The following NFIX variants were observed in gnomAD, a reference collection of about 807,000 sequenced individuals.
The protein encoded by NFIX is nuclear factor I X, also known as nuclear factor 1 X-type.
Under a neutral mutation model 53.3 loss-of-function variants are expected in NFIX, and 2 were observed. The ratio of observed to expected loss-of-function variants is 0.04; its 90% CI spans 0.02 to 0.12. The LOEUF is 0.12. NFIX is among the 10% of genes least tolerant of loss of function. The pLI is 1.00. For synonymous variants in NFIX, 244 were observed against 289.0 expected, an observed-to-expected ratio of 0.84 and a Z score of 1.58; for missense variants, 310 against 674.5, an observed-to-expected ratio of 0.46 and a Z score of 5.99.
At chr19:13,010,197 G>C (rs1432863535) in intron 1 of NFIX, among the ~76,000 whole-genome samples, 2 of 152,188 alleles carry the variant, frequency 1.3e-5, no homozygotes, top group Non-Finnish European at 2.9e-5. Context: ...GGCCTGCCGG[G>C]CGGGCGGCCG....
chr19:13,086,643 G>A (rs551408951), intron 8 of NFIX, among the ~76,000 whole-genome samples: 4 of 152,330 alleles, frequency 2.6e-5, no homozygotes, highest in African/African-American at 7.2e-5. Context: ...ACAACTGAAA[G>A]TGTCTCCAGA....
At chr19:13,046,347 C>T (rs1285747675) in intron 2 of NFIX, among the ~76,000 whole-genome samples, 3 of 152,108 alleles carry the variant, frequency 2.0e-5, no homozygotes, top group Non-Finnish European at 2.9e-5. Context: ...GCTTCTGATG[C>T]CCTCCCAGCC....
At chr19:13,004,109 TA>T (rs949053965) in intron 1 of NFIX, among the ~76,000 whole-genome samples, 9 of 151,946 alleles carry the variant, frequency 5.9e-5, no homozygotes, top group African/African-American at 2.2e-4. Context: ...GAGGGGGTGC[TA>T]TTTAGTGAGT....
chr19:12,999,094 G>A (rs4926176), intron 1 of NFIX, among the ~76,000 whole-genome samples: 51,270 of 151,976 alleles, frequency 0.34, 9,776 homozygotes, highest in East Asian at 0.65. Context: ...ACGGACAGGC[G>A]GATGGATGGA....
rs1002788491 is a variant in NFIX at position 13,094,992 on chromosome 19, T to C, written c.*343T>C. ...TCCCCCTGACCCCGCCCCGGCCTTC[T>C]GGGGAAGGAACAAAGTCCCCAAACA... On this transcript the variant is annotated 3_prime_UTR_variant, in exon 11 of 11. Coordinates refer to ENST00000592199, the MANE Select transcript of NFIX (RefSeq NM_001365902.3). The surrounding 1 kb of genome is among the most constrained non-coding windows in gnomAD (Gnocchi z 4.3). 35 of 286,392 alleles carry C rather than the reference T, an allele frequency of 1.2e-4. No individual in the cohort carries two copies. The Admixed American group carries it at 1.7e-3, about 14-fold the overall frequency. The allele number at this position is 286,392 out of a possible 1,614,324, so 17.7% of individuals were successfully genotyped here.
chr19:13,073,853 C>G lies in NFIX; in HGVS notation c.698-53C>G. ...AGCTGTTCATGACAAAGAAACAGAC[C>G]CCATCAGGCCTCCCCCCACCTCCAA... is the stretch of plus-strand genomic sequence containing the variant. On this transcript the variant is annotated intron_variant, in intron 4 of 10. Transcript: ENST00000592199. This position sits in a 1 kb window ranked among gnomAD's most constrained non-coding sequence, Gnocchi z 4.5. 7.4e-6 allele frequency: 12 copies of G among 1,612,114 alleles called. No individual in the cohort carries two copies. Among genetic ancestry groups the G allele is most frequent in the Non-Finnish European group, 1.0e-5 (12 of 1,178,762 alleles).
chr19:13,075,774 G>A lies in NFIX; in HGVS notation c.955+103G>A, dbSNP rs576249461. ...GCCTCCCACCAGTTGTCCCCCTGTC[G>A]GGGGGCATTACCCATCTGTTTTCTT... On this transcript the variant is annotated intron_variant, in intron 6 of 10. Coordinates refer to ENST00000592199, the MANE Select transcript of NFIX (RefSeq NM_001365902.3). 3.8e-5 allele frequency: 51 copies of A among 1,358,986 alleles called. No homozygotes were observed. The African/African-American group carries it at 5.0e-4, about 13-fold the overall frequency. 84.2% of individuals were successfully genotyped at this position (1,358,986 alleles called of 1,614,324 possible).
At chr19:13,048,527 T>G (rs1335702488) in intron 2 of NFIX, among the ~76,000 whole-genome samples, 1 of 152,122 alleles carries the variant, frequency 6.6e-6, no homozygotes, top group African/African-American at 2.4e-5. Context: ...GGATTTGTCT[T>G]TTATTAAGAT....
rs543343157 is a variant in NFIX at position 13,005,242 on chromosome 19, T to C, written c.27+9378T>C. On this transcript the variant is annotated intron_variant, in intron 1 of 10. Coordinates refer to ENST00000592199, the MANE Select transcript of NFIX (RefSeq NM_001365902.3). This position sits in a 1 kb window ranked among gnomAD's most constrained non-coding sequence, Gnocchi z 4.7. ...CGGTCAGCAGAATGGTAGAAGAAGA[T>C]AGGATAATAGCAAAATAAATGTTTG... Among the ~76,000 whole-genome samples the C allele has an allele frequency of 2.6e-5, 4 of 152,348 alleles. No individual in the cohort carries two copies. The South Asian group carries it at 8.3e-4, about 32-fold the overall frequency.
chr19:13,016,967 A>C (rs2145168801), intron 1 of NFIX, among the ~76,000 whole-genome samples: 1 of 151,554 alleles, frequency 6.6e-6, no homozygotes. Context: ...TCCTCCACCC[A>C]CAGCAAACTG....
chr19:13,022,928 G>C lies in NFIX; in HGVS notation c.28-2093G>C, dbSNP rs1215062612. ...CTTGTTCATTAGACGTGAACTTGTCGATTGGGCAAATTGTTTTTGGTCTCC... is the reference window on the plus strand; with the variant it reads ...CTTGTTCATTAGACGTGAACTTGTCCATTGGGCAAATTGTTTTTGGTCTCC... On this transcript the variant is annotated intron_variant, in intron 1 of 10. Transcript: ENST00000592199. This position sits in a 1 kb window ranked among gnomAD's most constrained non-coding sequence, Gnocchi z 4.5. Among the ~76,000 whole-genome samples, 1 of 152,042 alleles carries C rather than the reference G, an allele frequency of 6.6e-6. No homozygotes were observed. The highest frequency in any genetic ancestry group is 1.9e-4 in the East Asian group (1 of 5,162).
chr19:13,031,792 G>A (rs2013829701), intron 2 of NFIX, among the ~76,000 whole-genome samples: 1 of 152,160 alleles, frequency 6.6e-6, no homozygotes. Flanking sequence ...ACAGAGACCT[G>A]GGATGCCAGA....
chr19:13,024,963 C>T lies in NFIX; in HGVS notation c.28-58C>T, dbSNP rs572995543. ...CTCCTTCTCTCTTTCCCCCTCATCC[C>T]GTCTTCCCCTCCTCCCGTCCTCCCT... On this transcript the variant is annotated intron_variant, in intron 1 of 10. Transcript: ENST00000592199. 25 of 1,549,044 alleles carry T rather than the reference C, an allele frequency of 1.6e-5. No homozygotes were observed. The African/African-American group carries it at 3.0e-4, about 19-fold the overall frequency.
In NFIX at chr19:13,001,416, C is replaced by T. The variant is rs143983869; in HGVS notation, c.27+5552C>T. Among the ~76,000 whole-genome samples the T allele has an allele frequency of 7.2e-5, 11 of 152,082 alleles. No individual in the cohort carries two copies. The highest frequency in any genetic ancestry group is 1.5e-4 in the Non-Finnish European group (10 of 67,988). ...GTAGTGGGGGTCGGGGAGCGTGCCA[C>T]CATGCGTGTCAGTGTGCCGGATGTA... On this transcript the variant is annotated intron_variant, in intron 1 of 10. Transcript: ENST00000592199. This position sits in a 1 kb window ranked among gnomAD's most constrained non-coding sequence, Gnocchi z 6.5.
At chr19:13,079,998 A>G (rs1199839958) in intron 7 of NFIX, among the ~76,000 whole-genome samples, 1 of 152,220 alleles carries the variant, frequency 6.6e-6, no homozygotes, top group Non-Finnish European at 1.5e-5. Context: ...CATATGTCAG[A>G]CGGCCATCCT....
In NFIX at chr19:13,001,658, G is replaced by C. The variant is rs570023183; in HGVS notation, c.27+5794G>C. On this transcript the variant is annotated intron_variant, in intron 1 of 10. Coordinates refer to ENST00000592199, the MANE Select transcript of NFIX (RefSeq NM_001365902.3). This position sits in a 1 kb window ranked among gnomAD's most constrained non-coding sequence, Gnocchi z 6.5. ...TCCGTGTCAACTTGTGTCCACATAC[G>C]TGTCAACGCACGTGTCTCCAGTGTC... 2.6e-5 allele frequency among the ~76,000 whole-genome samples: 4 copies of C among 152,106 alleles called. No homozygotes were observed. The highest frequency in any genetic ancestry group is 4.4e-5 in the Non-Finnish European group (3 of 68,010).
chr19:13,023,332 C>G (rs1476260980), intron 1 of NFIX, among the ~76,000 whole-genome samples: 1 of 151,836 alleles, frequency 6.6e-6, no homozygotes, highest in African/African-American at 2.4e-5. Context: ...TTCCTTTCCT[C>G]CCTCCCTCGC....
Position 13,090,411 on chromosome 19 carries a change from C to A in NFIX, c.1494+21C>A. On this transcript the variant is annotated intron_variant, in intron 10 of 10. Coordinates refer to ENST00000592199, the MANE Select transcript of NFIX (RefSeq NM_001365902.3). The surrounding 1 kb of genome is among the most constrained non-coding windows in gnomAD (Gnocchi z 6.6). Reference sequence around the variant, plus strand: ...CTCAGGTAGGAGACCCTGCCCACCACCTGGATGCAGGGACCAGGGGAGTAG... The same window carrying A: ...CTCAGGTAGGAGACCCTGCCCACCAACTGGATGCAGGGACCAGGGGAGTAG... 6.2e-7 allele frequency: 1 copy of A among 1,604,190 alleles called. No individual in the cohort carries two copies. The highest frequency in any genetic ancestry group is 1.1e-5 in the South Asian group (1 of 90,906).
rs146107619 is a variant in NFIX, at chr19:13,080,729, G to A, written c.1079-951G>A. On this transcript the variant is annotated intron_variant, in intron 7 of 10. Transcript: ENST00000592199. ...TATTTAACAGATACTGGCTGGGCGC[G>A]GTGTCTCACGCCTGTAATCCCAGCA... 2.7e-3 allele frequency among the ~76,000 whole-genome samples: 410 copies of A among 152,060 alleles called. 6 individuals carry two copies. The highest frequency in any genetic ancestry group is 9.6e-3 in the African/African-American group (398 of 41,472).
Sources: gnomAD v4.1 joint callset for allele counts (sites outside exome capture counted in the v4.1 genomes callset) on GRCh38, gnomAD v4.1.1 for gene constraint, Gnocchi (gnomAD v3.1) non-coding constraint, MANE v1.5 for transcripts, NCBI Gene and HGNC (gene_info 2026-07-23, HGNC 2026-07-21) for gene names.